The following PARD3 variants were observed in gnomAD, a reference collection of about 807,000 sequenced individuals.
PARD3 encodes par-3 family cell polarity regulator.
Under a neutral mutation model 155.4 loss-of-function variants are expected in PARD3, and 75 were observed. That is an observed-to-expected ratio of 0.48 (90% CI 0.40 to 0.58). The LOEUF is 0.58. PARD3 is among the 20% of genes least tolerant of loss of function. The probability of loss-of-function intolerance (pLI) is 0.00; values close to 1 mark genes in which losing one functional copy is unlikely to be tolerated. For missense variants in PARD3, 1,642 were observed against 1,721.7 expected (o/e 0.95, Z 0.82); for synonymous variants, 576 against 610.5 (o/e 0.94, Z 0.83).
At chr10:34,597,699 G>GAAGCTGGGGT (rs141969615) in intron 2 of PARD3, among the ~76,000 whole-genome samples, 4,400 of 152,234 alleles carry the variant, frequency 0.029, 213 homozygotes, top group African/African-American at 0.1. Flanking sequence ...TAGGGAAGAT[G>GAAGCTGGGGT]AAGCTGGGGT....
intron 2 of PARD3, among the ~76,000 whole-genome samples, chr10:34,609,941 A>T (rs2090759295): frequency 6.6e-6 from 1 of 152,200 alleles, no homozygotes; most frequent in Non-Finnish European, 1.5e-5. Context: ...AGGCTGGGAA[A>T]CCTTCTGCAG....
At chr10:34,767,210 G>T (rs769693928) in intron 1 of PARD3, among the ~76,000 whole-genome samples, 5 of 152,204 alleles carry the variant, frequency 3.3e-5, no homozygotes, top group African/African-American at 1.2e-4. Context: ...ACAGAGCTGG[G>T]AGTCTAGGCA....
At chr10:34,662,273 T>C (rs1041081405) in intron 2 of PARD3, among the ~76,000 whole-genome samples, 1 of 152,046 alleles carries the variant, frequency 6.6e-6, no homozygotes, top group South Asian at 2.1e-4. Flanking sequence ...GGCAAGGATG[T>C]GGAGAAAAAG....
intron 22 of PARD3, among the ~76,000 whole-genome samples, chr10:34,225,593 A>G (rs1453474712): frequency 2.0e-5 from 3 of 152,092 alleles, no homozygotes; most frequent in Non-Finnish European, 4.4e-5. Context: ...TGATCAACCC[A>G]CCTTGGCCTC....
At position 34,337,299 on chromosome 10, in the gene PARD3, T is replaced by C; in HGVS notation, c.2536A>G (p.Lys846Glu). The change falls in exon 17 of 25, where the codon AAA becomes GAA. Residue 846 changes from lysine (K) to glutamate (E), a missense_variant. This residue lies in a region of PARD3 where 1,529 missense variants were observed against 1,587.3 expected (regional missense o/e 0.96). Transcript: ENST00000374788. ...ASQLDFVKTR[K>E]SKSMDLGIAD... is the part of the protein sequence containing the mutation. ...CTACCTAAATCCATGCTTTTTGATT[T>C]TCGTGTTTTAACGAAATCCAATTGA... The C allele has an allele frequency of 1.9e-6, 3 of 1,600,172 alleles. No homozygotes were observed. Among genetic ancestry groups the C allele is most frequent in the East Asian group, 2.3e-5 (1 of 43,956 alleles).
intron 19 of PARD3, among the ~76,000 whole-genome samples, chr10:34,329,086 G>C (rs1001157393): frequency 6.6e-6 from 1 of 152,124 alleles, no homozygotes; most frequent in African/African-American, 2.4e-5. Context: ...ATACATGAAT[G>C]AACTTTAATA....
chr10:34,230,959 A>C (rs1465743364), intron 22 of PARD3, among the ~76,000 whole-genome samples: 1 of 152,026 alleles, frequency 6.6e-6, no homozygotes, highest in Non-Finnish European at 1.5e-5. Flanking sequence ...TCAGGAGTTC[A>C]AGGCTGCAGT....
intron 12 of PARD3, 48 bp downstream of exon 12, chr10:34,372,450 A>G (rs770946663): frequency 3.6e-6 from 5 of 1,398,002 alleles, no homozygotes; most frequent in Non-Finnish European, 4.1e-6. Context: ...AGTTAGTTCC[A>G]TGTATCTTTC....
rs1380624242 is a variant in PARD3 at position 34,331,102 on chromosome 10, C to T, written c.2833+15G>A. On this transcript the variant is annotated intron_variant, in intron 19 of 24. Transcript: ENST00000374788. ...CTAATTTTAATTATTATTCTTTCAG[C>T]CATTATAAACTTACAGGTCTCCATG... 3.2e-6 allele frequency: 5 copies of T among 1,582,786 alleles called. No individual in the cohort carries two copies. Among genetic ancestry groups the T allele is most frequent in the Non-Finnish European group, 4.3e-6 (5 of 1,151,680 alleles).
intron 3 of PARD3, among the ~76,000 whole-genome samples, chr10:34,474,150 G>A (rs2078544605): frequency 6.6e-6 from 1 of 152,306 alleles, no homozygotes; most frequent in Middle Eastern, 3.4e-3. Flanking sequence ...GGGCAACAGA[G>A]CAAGGCCCTG....
intron 2 of PARD3, among the ~76,000 whole-genome samples, chr10:34,527,906 C>T (rs1041849613): frequency 1.3e-5 from 2 of 152,186 alleles, no homozygotes; most frequent in East Asian, 1.9e-4. Flanking sequence ...GGAGAGATAA[C>T]GGTGTCCTTG....
At chr10:34,205,403 C>T (rs1420331017) in intron 22 of PARD3, among the ~76,000 whole-genome samples, 14 of 151,984 alleles carry the variant, frequency 9.2e-5, no homozygotes, top group South Asian at 4.1e-4. Flanking sequence ...TGTTTTCATG[C>T]GTTAGAAAAC....
intron 14 of PARD3, among the ~76,000 whole-genome samples, chr10:34,356,329 T>C (rs895682760): frequency 6.6e-6 from 1 of 151,856 alleles, no homozygotes; most frequent in African/African-American, 2.4e-5. Context: ...AGGCCAGGAG[T>C]TGGAGAACAG....
In PARD3 at chr10:34,535,756, G is replaced by A. The variant is rs552088534; in HGVS notation, c.223-18597C>T. Among the ~76,000 whole-genome samples the A allele has an allele frequency of 5.3e-5, 8 of 151,798 alleles. No homozygotes were observed. In the East Asian group the frequency reaches 7.8e-4, roughly 15 times the overall value. On this transcript the variant is annotated intron_variant, in intron 2 of 24. Coordinates refer to ENST00000374788, the MANE Select transcript of PARD3 (RefSeq NM_001184785.2). ...CTTCCAAAGTGCTGGGATTACAGGC[G>A]TGAGCCACCCTGCCTGGCCAAGACA... is the stretch of plus-strand genomic sequence containing the variant.
chr10:34,143,329 C>A (rs562464957), intron 22 of PARD3, among the ~76,000 whole-genome samples: 27 of 151,936 alleles, frequency 1.8e-4, no homozygotes, highest in South Asian at 6.2e-4. Flanking sequence ...ACAACAACAA[C>A]AAAAAACTGA....
chr10:34,669,135 T>C (rs1481384887), intron 2 of PARD3, among the ~76,000 whole-genome samples: 1 of 152,134 alleles, frequency 6.6e-6, no homozygotes, highest in Non-Finnish European at 1.5e-5. Flanking sequence ...AAAGAAGTCA[T>C]TATATCAAAA....
intron 1 of PARD3, among the ~76,000 whole-genome samples, chr10:34,718,483 G>C (rs1276923133): frequency 6.6e-6 from 1 of 151,272 alleles, no homozygotes; most frequent in Non-Finnish European, 1.5e-5. Context: ...AACAAAGTGA[G>C]ACCACGTCTC....
chr10:34,292,616 A>G (rs1956727789), intron 20 of PARD3, among the ~76,000 whole-genome samples: 1 of 152,214 alleles, frequency 6.6e-6, no homozygotes. Flanking sequence ...CTTGAGAATA[A>G]TTATTTGATT....
intron 2 of PARD3, among the ~76,000 whole-genome samples, chr10:34,560,622 TCAAC>T (rs1481903570): frequency 6.6e-6 from 1 of 152,252 alleles, no homozygotes; most frequent in Admixed American, 6.5e-5. Flanking sequence ...AAAGTTAATG[TCAAC>T]AGATGCAAGA....
Sources: gnomAD v4.1 joint callset for allele counts (sites outside exome capture counted in the v4.1 genomes callset) on GRCh38, gnomAD v4.1.1 for gene constraint, gnomAD v4.1.1 regional missense constraint, MANE v1.5 for transcripts, NCBI Gene and HGNC (gene_info 2026-07-23, HGNC 2026-07-21) for gene names.